DDX3Y: variants seen among roughly 807,000 people sequenced by gnomAD.
DDX3Y encodes ATP-dependent RNA helicase DDX3Y.
Under a neutral mutation model 15.1 loss-of-function variants are expected in DDX3Y, and 2 were observed. That is an observed-to-expected ratio of 0.13 (90% CI 0.05 to 0.42). DDX3Y has a LOEUF of 0.42. DDX3Y is among the 10% of genes least tolerant of loss of function. The pLI, the probability that DDX3Y is intolerant of heterozygous loss-of-function variation, is 0.99. For missense variants in DDX3Y, 81 were observed against 149.9 expected (o/e 0.54, Z 2.40); for synonymous variants, 47 against 45.0 (o/e 1.04, Z -0.18).
chrY:12,915,375 A>G, intron 10 of DDX3Y, 148 bp downstream of exon 10: 3 of 197,030 alleles, frequency 1.5e-5, no homozygotes, highest in Non-Finnish European at 2.5e-5. Context: ...GTAAAGAGTA[A>G]GTGAAATTTT....
Position 12,916,508 on chromosome Y carries a change from A to T in DDX3Y, c.1492-9A>T. ...TGCTTTTTTTTTTTAAAAGAAGTTA[A>T]TTTTTCAGGTGGCAGCACGAGGACT... On this transcript the variant is annotated splice_polypyrimidine_tract_variant and intron_variant, in intron 13 of 16. Transcript: ENST00000336079. The T allele has an allele frequency of 2.5e-6, 1 of 394,664 alleles. No homozygotes were observed. The highest frequency in any genetic ancestry group is 3.6e-6 in the Non-Finnish European group (1 of 281,662).
chrY:12,919,483 T>C lies in DDX3Y; in HGVS notation c.*1361T>C. The C allele has an allele frequency of 2.9e-5, 1 of 33,981 alleles. No homozygotes were observed. Among genetic ancestry groups the C allele is most frequent in the Non-Finnish European group, 7.3e-5 (1 of 13,657 alleles). The allele number at this position is 33,981 out of a possible 400,897, so 8.5% of individuals were successfully genotyped here. ...GCATAAGAAGTTGACAAAAATTTCTTAAAGTGCAATAGATTTTCAAGTGTA... is the reference window on the plus strand; with the variant it reads ...GCATAAGAAGTTGACAAAAATTTCTCAAAGTGCAATAGATTTTCAAGTGTA... On this transcript the variant is annotated 3_prime_UTR_variant, in exon 17 of 17. Coordinates refer to ENST00000336079, the MANE Select transcript of DDX3Y (RefSeq NM_004660.5).
chrY:12,906,234 A>AT (rs753203103), intron 1 of DDX3Y, among the ~76,000 whole-genome samples: 18 of 31,284 alleles, frequency 5.8e-4, no homozygotes, highest in South Asian at 1.4e-3. Context: ...AAGAGCATAC[A>AT]TTTTTTTTTT....
rs2053657192 is a variant in DDX3Y at position 12,918,336 on chromosome Y, A to G, written c.*214A>G. The G allele has an allele frequency of 1.2e-5, 1 of 83,310 alleles. No individual in the cohort carries two copies. Among genetic ancestry groups the G allele is most frequent in the South Asian group, 1.6e-4 (1 of 6,242 alleles). The allele number at this position is 83,310 out of a possible 400,897, so 20.8% of individuals were successfully genotyped here. A position where few individuals can be genotyped will look rare whatever the true frequency, so the allele number is the denominator to read the frequency against. The stretch of plus-strand genomic sequence containing the variant: ...ATTGGTTTGAAGATGTAATTGCTCT[A>G]GTTTGGATTAAACTCTTCCCCTCCT... On this transcript the variant is annotated 3_prime_UTR_variant, in exon 17 of 17. Transcript: ENST00000336079.
rs2053662924 is a variant in DDX3Y, at chrY:12,920,234, G to A, written c.*2112G>A. On this transcript the variant is annotated 3_prime_UTR_variant, in exon 17 of 17. Coordinates refer to ENST00000336079, the MANE Select transcript of DDX3Y (RefSeq NM_004660.5). ...TTTTGTTATGTGTTTTGTTGTGTTT[G>A]ATTTTCAGTGATTGTCTGGTATATT... 3.0e-5 allele frequency: 1 copy of A among 33,648 alleles called. No individual in the cohort carries two copies. The highest frequency in any genetic ancestry group is 7.4e-5 in the Non-Finnish European group (1 of 13,546). The allele number at this position is 33,648 out of a possible 400,897, so 8.4% of individuals were successfully genotyped here. A position where few individuals can be genotyped will look rare whatever the true frequency, so the allele number is the denominator to read the frequency against.
chrY:12,913,483 C>G, intron 6 of DDX3Y, among the ~76,000 whole-genome samples: 2 of 34,266 alleles, frequency 5.8e-5, no homozygotes, highest in Non-Finnish European at 1.5e-4. Flanking sequence ...GCCACCATAC[C>G]TGGCCTCCAA....
At chrY:12,909,834 T>C in intron 3 of DDX3Y, 1 of 32,803 alleles carries the variant, frequency 3.0e-5, no homozygotes, top group East Asian at 7.9e-4. Flanking sequence ...CCACATCCAA[T>C]AAGCTGGTGA....
In DDX3Y at chrY:12,917,483, G is replaced by A; in HGVS notation, c.1844G>A (p.Arg615His). The A allele has an allele frequency of 2.5e-6, 1 of 398,490 alleles. No homozygotes were observed. The highest frequency in any genetic ancestry group is 3.5e-6 in the Non-Finnish European group (1 of 283,249). ...GSSSSGFGAS[R>H]GSSSRSGGGG... ...AGCAGTTCTGGCTTTGGTGCTAGTCGCGGAAGCAGCAGCCGCAGTGGTGGA... is the reference window on the plus strand; with the variant it reads ...AGCAGTTCTGGCTTTGGTGCTAGTCACGGAAGCAGCAGCCGCAGTGGTGGA... The change falls in exon 16 of 17, where the codon CGC (arginine) becomes CAC (histidine). Residue 615 changes from arginine (R) to histidine (H), a missense_variant. Arg to His is a conservative substitution (Grantham distance 29, BLOSUM62 0). Around this residue, in one of 2 missense-constraint regions of DDX3Y, gnomAD observed 52 missense variants for 122.8 expected, o/e 0.42. Transcript: ENST00000336079.
At position 12,918,050 on chromosome Y, in the gene DDX3Y, T is replaced by C; in HGVS notation, c.1911T>C (p.Tyr637=). 1 of 392,543 alleles carries C rather than the reference T, an allele frequency of 2.5e-6. No individual in the cohort carries two copies. The highest frequency in any genetic ancestry group is 3.6e-6 in the Non-Finnish European group (1 of 279,691). The change falls in exon 17 of 17, where the codon TAT becomes TAC. Residue 637 remains tyrosine, a synonymous_variant. Coordinates refer to ENST00000336079, the MANE Select transcript of DDX3Y (RefSeq NM_004660.5). ...AAACATTTTTCTTGATAGGTGGCTA[T>C]GGAGGCTTCTACAATAGTGATGGAT... is the stretch of plus-strand genomic sequence containing the variant. The part of the protein sequence containing the change: ...GNSRGFGGGG[Y]GGFYNSDGYG...
intron 10 of DDX3Y, 139 bp downstream of exon 10, chrY:12,915,366 T>A (rs770188260): frequency 9.5e-6 from 2 of 210,529 alleles, no homozygotes; most frequent in East Asian, 2.1e-4. Flanking sequence ...AACGTTTTTG[T>A]AAAGAGTAAG....
Position 12,917,580 on chromosome Y carries a change from T to G in DDX3Y, c.1903+38T>G, listed in dbSNP as rs2032649. On this transcript the variant is annotated intron_variant, in intron 16 of 16. Coordinates refer to ENST00000336079, the MANE Select transcript of DDX3Y (RefSeq NM_004660.5). ...TTTCTTTTAGGAAGGGCTTTTTGTT[T>G]TTCTTTTTTTTTTTTTTTTGAGATG... 2.3e-4 allele frequency: 80 copies of G among 347,994 alleles called. No homozygotes were observed. In the African/African-American group the frequency reaches 3.0e-3, roughly 13 times the overall value. The allele number at this position is 347,994 out of a possible 400,897, so 86.8% of individuals were successfully genotyped here. A position where few individuals can be genotyped will look rare whatever the true frequency, so the allele number is the denominator to read the frequency against.
upstream of DDX3Y, chrY:12,904,834 T>A: frequency 2.5e-5 from 7 of 274,605 alleles, no homozygotes; most frequent in South Asian, 2.3e-4. Flanking sequence ...TATTACCGCG[T>A]AGGCTAACCA....
intron 3 of DDX3Y, among the ~76,000 whole-genome samples, chrY:12,911,518 G>A: frequency 3.0e-5 from 1 of 33,298 alleles, no homozygotes; most frequent in Non-Finnish European, 7.4e-5. Context: ...TTTAATTGGA[G>A]TAGGTTTATA....
chrY:12,911,992 T>C, intron 4 of DDX3Y, 24 bp downstream of exon 4: 1 of 341,264 alleles, frequency 2.9e-6, no homozygotes, highest in Non-Finnish European at 4.3e-6. Flanking sequence ...TGTGTTTGTA[T>C]ACAGTAGAAA....
rs370677699 is a variant in DDX3Y at position 12,911,979 on chromosome Y, G to A, written c.281+11G>A. On this transcript the variant is annotated intron_variant, in intron 4 of 16. Transcript: ENST00000336079. The stretch of plus-strand genomic sequence containing the variant: ...TGGATCAAGGGGAAGGTAAATCTCA[G>A]CTTGTGTTTGTATACAGTAGAAATT... 2 of 359,732 alleles carry A rather than the reference G, an allele frequency of 5.6e-6. No individual in the cohort carries two copies. The highest frequency in any genetic ancestry group is 8.1e-6 in the Non-Finnish European group (2 of 248,022). The allele number at this position is 359,732 out of a possible 400,897, so 89.7% of individuals were successfully genotyped here. A position where few individuals can be genotyped will look rare whatever the true frequency, so the allele number is the denominator to read the frequency against.
intron 2 of DDX3Y, among the ~76,000 whole-genome samples, chrY:12,908,964 G>A: frequency 3.0e-5 from 1 of 33,691 alleles, no homozygotes; most frequent in African/African-American, 1.2e-4. Flanking sequence ...GGGATTACAG[G>A]CGTGAGCCAC....
upstream of DDX3Y, chrY:12,904,380 T>C (rs2053605058): frequency 5.7e-4 from 21 of 36,962 alleles, no homozygotes; most frequent in Non-Finnish European, 9.8e-4. Flanking sequence ...AGAGAGTTTT[T>C]TGACTAGTTC....
chrY:12,907,517 G>A lies in DDX3Y; in HGVS notation c.46-20G>A. ...TCTGTTCTTGTGTATCAGCATGTGA[G>A]CTATTGATATCTCTTCTAGCTTGCT... On this transcript the variant is annotated intron_variant, in intron 1 of 16. Coordinates refer to ENST00000336079, the MANE Select transcript of DDX3Y (RefSeq NM_004660.5). 5.8e-6 allele frequency: 2 copies of A among 342,399 alleles called. No homozygotes were observed. Among genetic ancestry groups the A allele is most frequent in the Non-Finnish European group, 8.2e-6 (2 of 244,667 alleles). The allele number at this position is 342,399 out of a possible 400,897, so 85.4% of individuals were successfully genotyped here. A position where few individuals can be genotyped will look rare whatever the true frequency, so the allele number is the denominator to read the frequency against.
At chrY:12,911,731 C>T (rs2053628790) in intron 3 of DDX3Y, 108 bp from the exon 4 acceptor site, 1 of 212,052 alleles carries the variant, frequency 4.7e-6, no homozygotes, top group Non-Finnish European at 7.5e-6. Context: ...ACCATTGGTC[C>T]CATAAAGATA....
Sources: allele counts gnomAD v4.1 joint callset (sites outside exome capture counted in the v4.1 genomes callset), GRCh38; gene constraint gnomAD v4.1.1; regional missense constraint gnomAD v4.1.1; transcripts MANE v1.5; gene names NCBI Gene and HGNC (gene_info 2026-07-23, HGNC 2026-07-21).